SZT2: variants seen among roughly 807,000 people sequenced by gnomAD.
SZT2 encodes SZT2 subunit of KICSTOR complex.
A neutral mutation model predicts 404.2 loss-of-function variants in SZT2; 216 were observed. The ratio of observed to expected loss-of-function variants is 0.53; its 90% confidence interval spans 0.48 to 0.60. The LOEUF is 0.60. Ranked by LOEUF, SZT2 falls within the 20% of genes least tolerant of loss-of-function variation. The pLI is 0.00. For synonymous variants in SZT2, 1,693 were observed against 1,749.9 expected (o/e 0.97, Z 0.81); for missense variants, 3,857 against 4,459.2 (o/e 0.86, Z 3.85).
At position 43,426,705 on chromosome 1, in the gene SZT2, C is replaced by T; in HGVS notation, c.3215-10C>T. On this transcript the variant is annotated splice_polypyrimidine_tract_variant and intron_variant, in intron 22 of 71. Transcript: ENST00000634258. The surrounding 1 kb of genome is among the most constrained non-coding windows in gnomAD (Gnocchi z 4.9). ...CTGCCCTCTTTCACCCATCTCTACCCCCATTGTAGGTGCCGAGGGGCCACT... is the reference window on the plus strand; with the variant it reads ...CTGCCCTCTTTCACCCATCTCTACCTCCATTGTAGGTGCCGAGGGGCCACT... 2 of 1,601,056 alleles carry T rather than the reference C, an allele frequency of 1.2e-6. No homozygotes were observed. The highest frequency in any genetic ancestry group is 1.3e-5 in the African/African-American group (1 of 74,900).
In SZT2 at chr1:43,447,714, G is replaced by A. The variant is rs757062868; in HGVS notation, c.9440+16G>A. 2 of 1,612,704 alleles carry A rather than the reference G, an allele frequency of 1.2e-6. No individual in the cohort carries two copies. The highest frequency in any genetic ancestry group is 1.7e-6 in the Non-Finnish European group (2 of 1,179,188). On this transcript the variant is annotated intron_variant, in intron 67 of 71. Transcript: ENST00000634258. ...CATGGCACAGGTAAGGCTGAGAGGGGCATCCAGCATGCACGCTGCAGGAGC... is the reference window on the plus strand; with the variant it reads ...CATGGCACAGGTAAGGCTGAGAGGGACATCCAGCATGCACGCTGCAGGAGC...
rs190626677 is a variant in SZT2, at chr1:43,424,475, A to G, written c.2471+43A>G. 1.9e-6 allele frequency: 3 copies of G among 1,580,906 alleles called. No individual in the cohort carries two copies. Among genetic ancestry groups the G allele is most frequent in the Non-Finnish European group, 2.6e-6 (3 of 1,166,154 alleles). On this transcript the variant is annotated intron_variant, in intron 16 of 71. Coordinates refer to ENST00000634258, the MANE Select transcript of SZT2 (RefSeq NM_001365999.1). This position sits in a 1 kb window ranked among gnomAD's most constrained non-coding sequence, Gnocchi z 4.1. The stretch of plus-strand genomic sequence containing the variant: ...GCCAGGTCACTCGGGGCAAGGAGAG[A>G]GCAAGTGTAGACTGGGACACTAGCA...
chr1:43,430,588 G>A lies in SZT2; in HGVS notation c.4573G>A (p.Gly1525Arg). 1 of 1,614,208 alleles carries A rather than the reference G, an allele frequency of 6.2e-7. No homozygotes were observed. The highest frequency in any genetic ancestry group is 1.1e-5 in the South Asian group (1 of 91,084). Residue 1525 changes from glycine (G) to arginine (R), a missense_variant, in exon 32 of 72, where the codon GGG becomes AGG. By Grantham distance (125) the Gly-to-Arg change is moderately radical. Coordinates refer to ENST00000634258, the MANE Select transcript of SZT2 (RefSeq NM_001365999.1). ...ESRESDLGPAGLDSASLSDVD... is the reference protein window; with the variant it reads ...ESRESDLGPARLDSASLSDVD... Reference sequence around the variant, plus strand: ...CCGTGAATCAGACCTGGGGCCTGCTGGGCTAGACTCTGCCTCGCTGTCAGA... The same window carrying A: ...CCGTGAATCAGACCTGGGGCCTGCTAGGCTAGACTCTGCCTCGCTGTCAGA...
In SZT2 at chr1:43,450,345, A is replaced by G. The variant is rs1656248319; in HGVS notation, c.10164A>G (p.Thr3388=). The G allele has an allele frequency of 1.9e-6, 3 of 1,613,788 alleles. No individual in the cohort carries two copies. Among genetic ancestry groups the G allele is most frequent in the Admixed American group, 1.7e-5 (1 of 59,976 alleles). ...CACCGTGTTCCCCACAGTCTCTGACAGTGGTTTTCCGAGAGCCCTTCCCAG... is the reference window on the plus strand; with the variant it reads ...CACCGTGTTCCCCACAGTCTCTGACGGTGGTTTTCCGAGAGCCCTTCCCAG... ...LDSHLGKTSL[T]VVFREPFPVQ... The change falls in exon 72 of 72, where the codon ACA becomes ACG. Residue 3388 remains threonine (T), a synonymous_variant. Coordinates refer to ENST00000634258, the MANE Select transcript of SZT2 (RefSeq NM_001365999.1). The surrounding 1 kb of genome is among the most constrained non-coding windows in gnomAD (Gnocchi z 4.3).
chr1:43,402,711 T>C (rs1649824916), intron 1 of SZT2, among the ~76,000 whole-genome samples: 1 of 152,208 alleles, frequency 6.6e-6, no homozygotes, highest in African/African-American at 2.4e-5. Context: ...TTGAGGTATT[T>C]GGAAGGCTTG....
intron 1 of SZT2, among the ~76,000 whole-genome samples, chr1:43,392,632 C>G (rs1205099297): frequency 6.6e-6 from 1 of 152,168 alleles, no homozygotes; most frequent in Non-Finnish European, 1.5e-5. Context: ...GCCAGATAGT[C>G]TCAATCTCCT....
At chr1:43,431,598 C>G in intron 35 of SZT2, 75 bp downstream of exon 35, 1 of 1,606,134 alleles carries the variant, frequency 6.2e-7, no homozygotes, top group Non-Finnish European at 8.5e-7. Context: ...CCCCTTTGTT[C>G]TGGGATAGAA....
chr1:43,415,339 G>A (rs1651577754), intron 5 of SZT2, 126 bp downstream of exon 5: 1 of 1,175,458 alleles, frequency 8.5e-7, no homozygotes, highest in Non-Finnish European at 1.2e-6. Context: ...ATGAGACAAG[G>A]ATAGGCATGC....
chr1:43,397,049 G>C (rs1176750379), intron 1 of SZT2, among the ~76,000 whole-genome samples: 2 of 152,172 alleles, frequency 1.3e-5, no homozygotes, highest in Non-Finnish European at 2.9e-5. Flanking sequence ...TGTGAGATTA[G>C]TTTTCCTTGT....
chr1:43,439,376 G>A lies in SZT2; in HGVS notation c.6811G>A (p.Gly2271Ser). Residue 2271 changes from glycine to serine, a missense_variant, in exon 49 of 72, where the codon GGT becomes AGT. Physicochemically the swap from Gly to Ser is moderately conservative, Grantham distance 56 (BLOSUM62 0). This residue lies in a region of SZT2 where 261 missense variants were observed against 372.9 expected (regional missense o/e 0.70). Coordinates refer to ENST00000634258, the MANE Select transcript of SZT2 (RefSeq NM_001365999.1). The surrounding 1 kb of genome is among the most constrained non-coding windows in gnomAD (Gnocchi z 4.2). ...TCCCCAGCATCCACTCCCACCACAG[G>A]GTGGCCTCCCTGACTTGGACATCTA... ...NHFQHPLPPQ[G>S]GLPDLDIYLY... 4 of 1,613,982 alleles carry A rather than the reference G, an allele frequency of 2.5e-6. No homozygotes were observed. The highest frequency in any genetic ancestry group is 2.2e-5 in the South Asian group (2 of 91,030).
chr1:43,393,935 GA>G (rs1314131772), intron 1 of SZT2: 1 of 217,814 alleles, frequency 4.6e-6, no homozygotes, highest in African/African-American at 2.3e-5. Flanking sequence ...CCGAGGCTTG[GA>G]AAAATTAAGT....
chr1:43,440,719 C>A, intron 52 of SZT2, 133 bp downstream of exon 52: 1 of 1,234,480 alleles, frequency 8.1e-7, no homozygotes, highest in Non-Finnish European at 1.1e-6. Flanking sequence ...CTCTGTCCTG[C>A]CAGACACCAT....
At position 43,448,614 on chromosome 1, in the gene SZT2, C is replaced by T; in HGVS notation, c.9972C>T (p.Asp3324=). 1.9e-6 allele frequency: 3 copies of T among 1,614,198 alleles called. No individual in the cohort carries two copies. The highest frequency in any genetic ancestry group is 2.5e-6 in the Non-Finnish European group (3 of 1,180,030). Residue 3324 remains aspartate, a splice_region_variant and synonymous_variant, in exon 70 of 72, where the codon GAC becomes GAT. Coordinates refer to ENST00000634258, the MANE Select transcript of SZT2 (RefSeq NM_001365999.1). The surrounding 1 kb of genome is among the most constrained non-coding windows in gnomAD (Gnocchi z 4.2). ...CAGGCCTGTGGCTCCTCCCTCAGGA[C>T]TGCTTCCTATCCATGACGGTCTCCT... ...KSIGDIDPQL[D]CFLSMTVSWY...
chr1:43,451,088 A>C lies in SZT2; in HGVS notation c.*608A>C, dbSNP rs1424132663. The C allele has an allele frequency of 3.5e-6, 3 of 851,450 alleles. No individual in the cohort carries two copies. The highest frequency in any genetic ancestry group is 4.0e-6 in the Non-Finnish European group (2 of 498,716). The allele number at this position is 851,450 out of a possible 1,614,324, so 52.7% of individuals were successfully genotyped here. A position where few individuals can be genotyped will look rare whatever the true frequency, so the allele number is the denominator to read the frequency against. ...TGGCACTGGCTTCTCAATGGGAGGG[A>C]AGCAGCAGAGAAACTGAAGTGTTAG... On this transcript the variant is annotated 3_prime_UTR_variant, in exon 72 of 72. Coordinates refer to ENST00000634258, the MANE Select transcript of SZT2 (RefSeq NM_001365999.1).
chr1:43,421,896 C>CA (rs1491134877), intron 11 of SZT2, among the ~76,000 whole-genome samples, 187 bp from the exon 12 acceptor site: 40 of 150,110 alleles, frequency 2.7e-4, no homozygotes, highest in African/African-American at 9.1e-4. Context: ...TCCCTGGGCT[C>CA]AGTCATCCAA....
At chr1:43,422,431 C>T (rs762890683) in intron 12 of SZT2, 49 bp from the exon 13 acceptor site, 9 of 1,522,712 alleles carry the variant, frequency 5.9e-6, no homozygotes, top group Non-Finnish European at 7.9e-6. Flanking sequence ...TCCTTTTCTC[C>T]AAGCCTGGGG....
chr1:43,442,858 A>C lies in SZT2; in HGVS notation c.8191A>C (p.Thr2731Pro). ...PFLLPTMEVETLIRSASPPLS... is the reference protein window; with the variant it reads ...PFLLPTMEVEPLIRSASPPLS... ...CCTGCTGCCGACCATGGAAGTGGAG[A>C]CCCTCATCCGGAGTGCAAGTCCCCC... The change falls in exon 59 of 72, where the codon ACC becomes CCC. Residue 2731 changes from threonine to proline, a missense_variant. Thr to Pro is a conservative substitution (Grantham distance 38, BLOSUM62 -1). This residue lies in a region of SZT2 where 573 missense variants were observed against 592.4 expected (regional missense o/e 0.97). Coordinates refer to ENST00000634258, the MANE Select transcript of SZT2 (RefSeq NM_001365999.1). The surrounding 1 kb of genome is among the most constrained non-coding windows in gnomAD (Gnocchi z 4.5). The C allele has an allele frequency of 6.2e-7, 1 of 1,611,426 alleles. No homozygotes were observed. The highest frequency in any genetic ancestry group is 8.5e-7 in the Non-Finnish European group (1 of 1,178,576).
At position 43,453,309 on chromosome 1, in the gene SZT2, G is replaced by C; in HGVS notation, c.*2829G>C. 2 of 949,662 alleles carry C rather than the reference G, an allele frequency of 2.1e-6. No individual in the cohort carries two copies. The highest frequency in any genetic ancestry group is 3.2e-5 in the South Asian group (2 of 63,284). The allele number at this position is 949,662 out of a possible 1,614,324, so 58.8% of individuals were successfully genotyped here. On this transcript the variant is annotated 3_prime_UTR_variant, in exon 72 of 72. Transcript: ENST00000634258. ...TGGGCTCAGACTTCTGAGCGTCTCA[G>C]ATCTGGCGTCCTCGACTCCCTGAAC...
In SZT2 at chr1:43,443,586, T is replaced by C. The variant is rs1655327666; in HGVS notation, c.8626-11T>C. ...AGTGGGGAGAGTCTTCCTTGATCTT[T>C]ACTCTCATAGCGGCGCCATCGCCCT... On this transcript the variant is annotated splice_polypyrimidine_tract_variant and intron_variant, in intron 61 of 71. Transcript: ENST00000634258. The C allele has an allele frequency of 6.2e-7, 1 of 1,613,950 alleles. No individual in the cohort carries two copies. Among genetic ancestry groups the C allele is most frequent in the Non-Finnish European group, 8.5e-7 (1 of 1,180,014 alleles).
Sources: gnomAD v4.1 joint callset for allele counts (sites outside exome capture counted in the v4.1 genomes callset) on GRCh38, gnomAD v4.1.1 for gene constraint, gnomAD v4.1.1 regional missense constraint, Gnocchi (gnomAD v3.1) non-coding constraint, MANE v1.5 for transcripts, NCBI Gene and HGNC (gene_info 2026-07-23, HGNC 2026-07-21) for gene names.